SYT16: variants seen among roughly 807,000 people sequenced by gnomAD.
SYT16 encodes synaptotagmin-16.
In SYT16, 42 loss-of-function variants were observed where a neutral mutation model predicts 61.4. The observed-to-expected ratio is 0.68, with a 90% CI of 0.53 to 0.89. The LOEUF is 0.89. Ranked by LOEUF, SYT16 falls within the 40% of genes least tolerant of loss-of-function variation. The pLI is 0.00. For synonymous variants in SYT16, 314 were observed against 302.3 expected, an observed-to-expected ratio of 1.04 and a Z score of -0.40; for missense variants, 804 against 807.3, an observed-to-expected ratio of 1.00 and a Z score of 0.05.
At chr14:62,089,028 G>C (rs920622500) in intron 7 of SYT16, among the ~76,000 whole-genome samples, 2 of 151,868 alleles carry the variant, frequency 1.3e-5, no homozygotes, top group African/African-American at 4.8e-5. Context: ...TCAGAAAGAT[G>C]GGGTACTGGC....
chr14:61,930,611 A>G (rs2049726073), intron 1 of SYT16, among the ~76,000 whole-genome samples: 1 of 151,936 alleles, frequency 6.6e-6, no homozygotes, highest in African/African-American at 2.4e-5. Context: ...AGATGTTCAC[A>G]TCCTAATCCC....
chr14:61,944,890 G>A (rs941378947), intron 1 of SYT16, among the ~76,000 whole-genome samples: 4 of 152,094 alleles, frequency 2.6e-5, no homozygotes, highest in African/African-American at 9.7e-5. Flanking sequence ...AAACAAATGG[G>A]ATTAATTAAA....
intron 5 of SYT16, among the ~76,000 whole-genome samples, chr14:62,076,282 G>A (rs2056493159): frequency 6.6e-6 from 1 of 152,108 alleles, no homozygotes; most frequent in Admixed American, 6.6e-5. Context: ...AATTAATTTT[G>A]ATGAAATAAG....
chr14:61,952,026 C>T (rs570342365), intron 1 of SYT16, among the ~76,000 whole-genome samples: 5 of 152,126 alleles, frequency 3.3e-5, no homozygotes, highest in African/African-American at 9.6e-5. Context: ...TGGGCTCAAG[C>T]GTCCTTCTGC....
chr14:62,060,806 A>G (rs1010309710), intron 3 of SYT16, among the ~76,000 whole-genome samples: 7 of 152,010 alleles, frequency 4.6e-5, no homozygotes, highest in African/African-American at 1.7e-4. Flanking sequence ...CTTTGTTAGA[A>G]GGAGTTTATA....
chr14:61,950,646 G>T (rs1238503439), intron 1 of SYT16, among the ~76,000 whole-genome samples: 1 of 152,194 alleles, frequency 6.6e-6, no homozygotes, highest in Non-Finnish European at 1.5e-5. Context: ...CCACGTGGCA[G>T]CCTACTTGGT....
intron 1 of SYT16, among the ~76,000 whole-genome samples, chr14:61,870,390 C>A (rs2047294297): frequency 6.6e-6 from 1 of 151,272 alleles, no homozygotes; most frequent in African/African-American, 2.4e-5. Context: ...TTCTTGCCTG[C>A]TTTTCAGTTT....
rs2050014114 is a variant in SYT16 at position 61,937,126 on chromosome 14, A to C, written c.-324-33006A>C. Among the ~76,000 whole-genome samples the C allele has an allele frequency of 3.9e-5, 6 of 152,218 alleles. No individual in the cohort carries two copies. The South Asian group carries it at 1.2e-3, about 32-fold the overall frequency. On this transcript the variant is annotated intron_variant, in intron 1 of 7. Transcript: ENST00000683842. ...AGCAGGGATTTCCCCGTGGATGGTG[A>C]TGTCTCTGTGATTCTATTTCTAAGA...
chr14:61,962,853 G>A (rs1230803077), intron 1 of SYT16, among the ~76,000 whole-genome samples: 1 of 151,816 alleles, frequency 6.6e-6, no homozygotes, highest in Non-Finnish European at 1.5e-5. Context: ...ATTTCTTCTG[G>A]CTTCTATTTA....
At chr14:61,996,869 C>T (rs2052793398) in intron 3 of SYT16, among the ~76,000 whole-genome samples, 1 of 151,842 alleles carries the variant, frequency 6.6e-6, no homozygotes, top group Non-Finnish European at 1.5e-5. Context: ...TTCTTTTTTT[C>T]TTCTAGGTTA....
intron 7 of SYT16, among the ~76,000 whole-genome samples, chr14:62,098,653 A>G (rs2057340525): frequency 1.3e-5 from 2 of 152,178 alleles, no homozygotes. Flanking sequence ...ATTACAAAAT[A>G]TTTATTGAAG....
chr14:62,030,869 A>G (rs143356832), intron 3 of SYT16, among the ~76,000 whole-genome samples: 95 of 152,334 alleles, frequency 6.2e-4, no homozygotes, highest in African/African-American at 2.2e-3. Flanking sequence ...GGTTATTAAT[A>G]AGCACCAGAG....
intron 1 of SYT16, among the ~76,000 whole-genome samples, chr14:61,859,391 G>T (rs1002413037): frequency 6.6e-6 from 1 of 152,008 alleles, no homozygotes; most frequent in Non-Finnish European, 1.5e-5. Context: ...GGATTTGGGC[G>T]TGCTATGTAA....
chr14:62,037,004 AG>A (rs1343739498), intron 3 of SYT16, among the ~76,000 whole-genome samples: 4 of 152,202 alleles, frequency 2.6e-5, no homozygotes, highest in Non-Finnish European at 5.9e-5. Flanking sequence ...GGACAAGGGA[AG>A]GAACTTGGTC....
At position 61,905,748 on chromosome 14, in the gene SYT16, ACTT is replaced by A. The variant is rs34184557; in HGVS notation, c.-324-64371_-324-64369del. The stretch of plus-strand genomic sequence containing the variant: ...CACTTCTATTTTCTGCTGCAATTGG[ACTT>A]CTTCTTCTTCTTTTTTTTTTTTTTG... On this transcript the variant is annotated intron_variant, in intron 1 of 7. Transcript: ENST00000683842. Among the ~76,000 whole-genome samples the A allele has an allele frequency of 2.9e-4, 38 of 130,340 alleles. 2 individuals are homozygous for A. Among genetic ancestry groups the A allele is most frequent in the Middle Eastern group, 7.2e-3 (2 of 278 alleles). 85.5% of individuals were successfully genotyped at this position (130,340 alleles called of 152,430 possible). A position where few individuals can be genotyped will look rare whatever the true frequency, so the allele number is the denominator to read the frequency against.
At chr14:62,049,880 C>T (rs932722344) in intron 3 of SYT16, among the ~76,000 whole-genome samples, 4 of 152,174 alleles carry the variant, frequency 2.6e-5, no homozygotes, top group Non-Finnish European at 5.9e-5. Flanking sequence ...GGTAACCCGA[C>T]CTTTCTCTCT....
chr14:61,959,733 A>T (rs906776249), intron 1 of SYT16, among the ~76,000 whole-genome samples: 6 of 152,016 alleles, frequency 3.9e-5, no homozygotes, highest in Admixed American at 3.3e-4. Flanking sequence ...ATATTTTCAT[A>T]TTCTTTTTGT....
intron 1 of SYT16, among the ~76,000 whole-genome samples, chr14:61,843,116 A>G (rs1232604464): frequency 2.0e-5 from 3 of 151,880 alleles, no homozygotes; most frequent in African/African-American, 7.3e-5. Flanking sequence ...GGATTGCTAG[A>G]TCATATGGTA....
At chr14:61,842,818 T>A (rs911769432) in intron 1 of SYT16, among the ~76,000 whole-genome samples, 1 of 151,850 alleles carries the variant, frequency 6.6e-6, no homozygotes, top group African/African-American at 2.4e-5. Flanking sequence ...GAGATATACC[T>A]AATGCTAAAT....
Sources: allele counts gnomAD v4.1 joint callset (sites outside exome capture counted in the v4.1 genomes callset), GRCh38; gene constraint gnomAD v4.1.1; transcripts MANE v1.5; gene names NCBI Gene and HGNC (gene_info 2026-07-23, HGNC 2026-07-21).